The following LCOR variants were observed in gnomAD, a reference collection of about 807,000 sequenced individuals.
LCOR encodes the protein ligand dependent nuclear receptor corepressor.
A neutral mutation model predicts 64.4 loss-of-function variants in LCOR; 14 were observed. The observed-to-expected ratio is 0.22, with a 90% CI of 0.14 to 0.34. LCOR has a LOEUF of 0.34. LCOR is among the 10% of genes least tolerant of loss of function. LCOR has a pLI of 1.00. For missense variants in LCOR, 1,686 were observed against 1,765.3 expected (o/e 0.96, Z 0.80); for synonymous variants, 643 against 642.5 (o/e 1.00, Z -0.01).
At chr10:96,964,269 A>G (rs1350553168) in intron 7 of LCOR, 7 of 150,766 alleles carry the variant, frequency 4.6e-5, no homozygotes, top group South Asian at 2.1e-4. Flanking sequence ...TTGTATGTCA[A>G]AAGCGCTTGT....
At chr10:96,894,624 C>G (rs144133475) in intron 2 of LCOR, among the ~76,000 whole-genome samples, 1 of 152,152 alleles carries the variant, frequency 6.6e-6, no homozygotes, top group Non-Finnish European at 1.5e-5. Flanking sequence ...AAAGCTGATT[C>G]AAACATTGGT....
intron 4 of LCOR, among the ~76,000 whole-genome samples, chr10:96,937,732 G>A (rs1268951351): frequency 6.6e-6 from 1 of 152,182 alleles, no homozygotes; most frequent in African/African-American, 2.4e-5. Flanking sequence ...TAGGAGAAGA[G>A]AGAAGACGTC....
chr10:96,865,815 A>C (rs1845961255), intron 2 of LCOR, among the ~76,000 whole-genome samples: 2 of 149,926 alleles, frequency 1.3e-5, no homozygotes, highest in South Asian at 4.2e-4. Flanking sequence ...CAGAGGTTGC[A>C]GTGAGCTGAG....
At chr10:96,909,013 C>T (rs1185822726) in intron 4 of LCOR, among the ~76,000 whole-genome samples, 2 of 152,188 alleles carry the variant, frequency 1.3e-5, no homozygotes, top group Non-Finnish European at 2.9e-5. Context: ...CCGCGCCCGG[C>T]CTTCTTCTGT....
chr10:96,899,876 A>G (rs1846603847), intron 2 of LCOR, among the ~76,000 whole-genome samples: 1 of 152,144 alleles, frequency 6.6e-6, no homozygotes, highest in South Asian at 2.1e-4. Context: ...AAACATTACA[A>G]ATTTTTACCA....
chr10:96,895,693 T>C lies in LCOR; in HGVS notation c.-329-11572T>C, dbSNP rs375333634. Among the ~76,000 whole-genome samples the C allele has an allele frequency of 2.6e-5, 4 of 152,362 alleles. No homozygotes were observed. The East Asian group carries it at 5.8e-4, about 22-fold the overall frequency. Reference sequence around the variant, plus strand: ...TTGCTGACCATGCCTGCTTTCTTGCTAATTCTCAATATACCGTACTTCATA... The same window carrying C: ...TTGCTGACCATGCCTGCTTTCTTGCCAATTCTCAATATACCGTACTTCATA... On this transcript the variant is annotated intron_variant, in intron 2 of 7. Transcript: ENST00000421806.
intron 4 of LCOR, among the ~76,000 whole-genome samples, chr10:96,929,017 A>C (rs947462794): frequency 1.3e-5 from 2 of 152,194 alleles, no homozygotes; most frequent in African/African-American, 2.4e-5. Context: ...ATATAAACAC[A>C]TGTGTTGTCA....
chr10:96,957,840 C>A (rs1349864736), intron 7 of LCOR: 1 of 985,664 alleles, frequency 1.0e-6, no homozygotes, highest in Non-Finnish European at 1.2e-6. Context: ...TTTTGTGTAG[C>A]AGTTTAATCA....
intron 2 of LCOR, among the ~76,000 whole-genome samples, chr10:96,839,402 G>A (rs1425563154): frequency 6.6e-6 from 1 of 152,174 alleles, no homozygotes; most frequent in East Asian, 1.9e-4. Context: ...GTAATAGAAC[G>A]AAATAGAATT....
At chr10:96,950,765 T>G (rs372147681) in intron 6 of LCOR, among the ~76,000 whole-genome samples, 6 of 152,200 alleles carry the variant, frequency 3.9e-5, no homozygotes, top group African/African-American at 1.4e-4. Context: ...ATATTTTTAG[T>G]GGTAGATTTA....
At chr10:96,940,109 A>G (rs1847423916) in intron 4 of LCOR, among the ~76,000 whole-genome samples, 1 of 152,342 alleles carries the variant, frequency 6.6e-6, no homozygotes, top group Middle Eastern at 3.4e-3. Context: ...CTTATCTACT[A>G]AAATGGGTAT....
At chr10:96,915,248 C>T (rs1358370456) in intron 4 of LCOR, among the ~76,000 whole-genome samples, 5 of 152,254 alleles carry the variant, frequency 3.3e-5, no homozygotes, top group East Asian at 1.9e-4. Flanking sequence ...AAGCCGGGCA[C>T]GGAGGTGCAC....
chr10:96,960,280 A>G (rs1157777524), intron 7 of LCOR: 3 of 152,218 alleles, frequency 2.0e-5, no homozygotes, highest in Non-Finnish European at 4.4e-5. Context: ...TCATTGACCC[A>G]TAATAGTGAA....
intron 2 of LCOR, among the ~76,000 whole-genome samples, chr10:96,884,375 A>T (rs766313145): frequency 6.6e-6 from 1 of 152,356 alleles, no homozygotes; most frequent in Middle Eastern, 3.4e-3. Flanking sequence ...TGAAAACGCT[A>T]AAGTAGTATC....
chr10:96,958,254 A>G lies in LCOR; in HGVS notation c.332+6058A>G, dbSNP rs1847816926. The stretch of plus-strand genomic sequence containing the variant: ...AAAGGCCCATTAAAAATCTGGCCCT[A>G]AAAGTTCAACTTTTGTAGAGTTTAT... On this transcript the variant is annotated intron_variant, in intron 7 of 7. Transcript: ENST00000421806. 12 of 1,325,068 alleles carry G rather than the reference A, an allele frequency of 9.1e-6. No individual in the cohort carries two copies. In the East Asian group the frequency reaches 3.2e-4, roughly 36 times the overall value. 82.1% of individuals were successfully genotyped at this position (1,325,068 alleles called of 1,614,324 possible).
At chr10:96,852,311 G>A (rs556379792) in intron 2 of LCOR, among the ~76,000 whole-genome samples, 1 of 152,118 alleles carries the variant, frequency 6.6e-6, no homozygotes, top group Admixed American at 6.6e-5. Context: ...AGTCCCAGCT[G>A]TTTGGGAGAC....
intron 4 of LCOR, among the ~76,000 whole-genome samples, chr10:96,939,035 A>G (rs1417756582): frequency 1.3e-5 from 2 of 152,252 alleles, no homozygotes; most frequent in Non-Finnish European, 2.9e-5. Context: ...AAAATTTAAG[A>G]GACTTCAAAT....
At chr10:96,945,473 AC>A (rs1847571558) in intron 5 of LCOR, among the ~76,000 whole-genome samples, 1 of 152,170 alleles carries the variant, frequency 6.6e-6, no homozygotes, top group South Asian at 2.1e-4. Flanking sequence ...CTCTGTAAAC[AC>A]CCACTAGCAC....
Position 96,954,418 on chromosome 10 carries a change from C to T in LCOR, c.332+2222C>T, listed in dbSNP as rs186698142. On this transcript the variant is annotated intron_variant, in intron 7 of 7. Coordinates refer to ENST00000421806, the MANE Select transcript of LCOR (RefSeq NM_001346516.2). ...TTTGATTTTTGATGATGAATATCAA[C>T]TTGTTTGTGGGATAAATGAGCAATT... Among the ~76,000 whole-genome samples, 82 of 123,664 alleles carry T rather than the reference C, an allele frequency of 6.6e-4. 1 individual carries two copies. The highest frequency in any genetic ancestry group is 2.3e-3 in the African/African-American group (76 of 32,388). 81.1% of individuals were successfully genotyped at this position (123,664 alleles called of 152,430 possible). A position where few individuals can be genotyped will look rare whatever the true frequency, so the allele number is the denominator to read the frequency against.
Sources: gnomAD v4.1 joint callset for allele counts (sites outside exome capture counted in the v4.1 genomes callset) on GRCh38, gnomAD v4.1.1 for gene constraint, MANE v1.5 for transcripts, NCBI Gene and HGNC (gene_info 2026-07-23, HGNC 2026-07-21) for gene names.